Variants in CD163L1 observed in about 807,000 individuals in gnomAD.
The protein encoded by CD163L1 is CD163 molecule like 1.
Under a neutral mutation model 165.4 loss-of-function variants are expected in CD163L1, and 124 were observed. That is an observed-to-expected ratio of 0.75 (90% confidence interval 0.65 to 0.87). The LOEUF is 0.87. Ranked by LOEUF, CD163L1 falls within the 40% of genes least tolerant of loss-of-function variation. The probability of loss-of-function intolerance (pLI) is 0.00; values close to 1 mark genes in which losing one functional copy is unlikely to be tolerated. For synonymous variants in CD163L1, 585 were observed against 662.2 expected (o/e 0.88, Z 1.79); for missense variants, 1,525 against 1,799.9 (o/e 0.85, Z 2.76).
chr12:7,324,626 C>T, the CD163L1 span: 4 of 1,605,132 alleles, frequency 2.5e-6, no homozygotes, highest in African/African-American at 4.0e-5. Flanking sequence ...ATTAAAGAAG[C>T]AACATCATAT....
the CD163L1 span, among the ~76,000 whole-genome samples, chr12:7,332,828 C>T: frequency 3.3e-5 from 5 of 152,310 alleles, no homozygotes; most frequent in African/African-American, 1.2e-4. Flanking sequence ...ACTGCAAAAA[C>T]ATGCCAAATT....
At chr12:7,358,102 T>C (rs1296451760) in intron 18 of CD163L1, among the ~76,000 whole-genome samples, 1 of 152,070 alleles carries the variant, frequency 6.6e-6, no homozygotes, top group Non-Finnish European at 1.5e-5. Context: ...ACTGATGTCA[T>C]AGGGCAAACC....
At chr12:7,335,173 T>C in the CD163L1 span, among the ~76,000 whole-genome samples, 4 of 152,052 alleles carry the variant, frequency 2.6e-5, no homozygotes, top group Middle Eastern at 3.2e-3. Flanking sequence ...AAAAAGAGCC[T>C]GCATCACCAA....
intron 8 of CD163L1, among the ~76,000 whole-genome samples, chr12:7,384,710 A>G (rs1947480366): frequency 6.6e-6 from 1 of 152,128 alleles, no homozygotes; most frequent in South Asian, 2.1e-4. Context: ...CCCTTCAAAA[A>G]TGAAGGAGAT....
chr12:7,379,561 GT>G (rs1434582726), intron 8 of CD163L1, among the ~76,000 whole-genome samples: 1 of 152,144 alleles, frequency 6.6e-6, no homozygotes, highest in Admixed American at 6.6e-5. Context: ...CAAGGATATA[GT>G]TTTACTTACA....
Position 7,379,104 on chromosome 12 carries a change from T to A in CD163L1, c.2245A>T (p.Thr749Ser). 6.2e-7 allele frequency: 1 copy of A among 1,614,214 alleles called. No individual in the cohort carries two copies. The highest frequency in any genetic ancestry group is 8.5e-7 in the Non-Finnish European group (1 of 1,180,034). Residue 749 changes from threonine to serine, a missense_variant, in exon 9 of 20, where the codon ACA (threonine) becomes TCA (serine). Thr to Ser is a moderately conservative substitution (Grantham distance 58, BLOSUM62 1). Transcript: ENST00000313599. ...VSREPHFTER[T>S]LHILMSNSGC... ...GAATTCGACATTAAGATGTGTAATG[T>A]TCTTTCTGTGAAATGAGGCTCTCTG... is the stretch of plus-strand genomic sequence containing the variant.
At chr12:7,359,476 A>T (rs1309261419) in intron 18 of CD163L1, among the ~76,000 whole-genome samples, 1 of 152,162 alleles carries the variant, frequency 6.6e-6, no homozygotes, top group Admixed American at 6.5e-5. Context: ...TGAAAAAAAG[A>T]ACCATCAACT....
the CD163L1 span, chr12:7,323,232 A>G: frequency 6.2e-7 from 1 of 1,605,718 alleles, no homozygotes; most frequent in Non-Finnish European, 8.5e-7. Context: ...TCCTCTCAAT[A>G]GGGAATGATT....
chr12:7,417,240 T>G (rs1298258353), intron 4 of CD163L1, among the ~76,000 whole-genome samples: 2 of 152,146 alleles, frequency 1.3e-5, no homozygotes, highest in Non-Finnish European at 2.9e-5. Context: ...TGTACAGGAA[T>G]GCTTGTGATT....
At chr12:7,326,197 C>A in the CD163L1 span, among the ~76,000 whole-genome samples, 2 of 151,994 alleles carry the variant, frequency 1.3e-5, no homozygotes, top group African/African-American at 4.8e-5. Context: ...AGGTTTTTGG[C>A]TTTTGGCTTT....
At chr12:7,336,073 G>C in the CD163L1 span, among the ~76,000 whole-genome samples, 1 of 144,284 alleles carries the variant, frequency 6.9e-6, no homozygotes, top group East Asian at 2.0e-4. Flanking sequence ...CTGTAAACTA[G>C]TTCAACCATT....
the CD163L1 span, among the ~76,000 whole-genome samples, chr12:7,330,970 G>C: frequency 1.3e-5 from 2 of 152,236 alleles, no homozygotes; most frequent in African/African-American, 4.8e-5. Context: ...CCGTGCACGA[G>C]CTGAAGCAGG....
chr12:7,437,713 G>A (rs961093574), intron 2 of CD163L1, among the ~76,000 whole-genome samples: 1 of 145,628 alleles, frequency 6.9e-6, no homozygotes, highest in East Asian at 2.0e-4. Context: ...TTTGAAAACC[G>A]GAAAATACAG....
At chr12:7,396,452 G>A (rs1947778291) in intron 7 of CD163L1, 37 bp from the exon 8 acceptor site, 3 of 1,530,924 alleles carry the variant, frequency 2.0e-6, no homozygotes, top group Admixed American at 2.0e-5. Context: ...GTTAATGGGT[G>A]TGATGGTTTA....
At chr12:7,434,758 T>A (rs1266222523) in intron 2 of CD163L1, among the ~76,000 whole-genome samples, 1 of 151,872 alleles carries the variant, frequency 6.6e-6, no homozygotes, top group African/African-American at 2.4e-5. Flanking sequence ...GAGAGTACAA[T>A]AGAAAAGGCT....
chr12:7,354,718 G>A (rs1209178290), downstream of CD163L1, among the ~76,000 whole-genome samples: 9 of 152,046 alleles, frequency 5.9e-5, no homozygotes, highest in Admixed American at 5.9e-4. Context: ...ATCTGATGAG[G>A]GCTCCCTGCC....
the CD163L1 span, chr12:7,328,449 T>TCTTA: frequency 5.2e-5 from 59 of 1,144,924 alleles, no homozygotes; most frequent in Non-Finnish European, 6.8e-5. Context: ...ATTCAGCGAC[T>TCTTA]ACTCTCTTAA....
At chr12:7,435,378 T>C (rs1425425829) in intron 2 of CD163L1, among the ~76,000 whole-genome samples, 3 of 151,642 alleles carry the variant, frequency 2.0e-5, no homozygotes, top group East Asian at 1.9e-4. Flanking sequence ...TTTTTAAATA[T>C]ATATATTTAG....
At position 7,432,693 on chromosome 12, in the gene CD163L1, G is replaced by A. The variant is rs756864170; in HGVS notation, c.489C>T (p.Ser163=). 2.5e-6 allele frequency: 4 copies of A among 1,613,528 alleles called. No individual in the cohort carries two copies. The highest frequency in any genetic ancestry group is 2.2e-5 in the East Asian group (1 of 44,872). The part of the protein sequence containing the change: ...LGLRLVDGNN[S]CSGRVEVKFQ... ...ATTTCACCTCCACTCTCCCTGAACA[G>A]GAGTTGTTTCCATCCACTAGCCTCA... Residue 163 remains serine (S), a synonymous_variant, in exon 4 of 20, where the codon TCC becomes TCT. Coordinates refer to ENST00000313599, the MANE Select transcript of CD163L1 (RefSeq NM_174941.6). This position sits in a 1 kb window ranked among gnomAD's most constrained non-coding sequence, Gnocchi z 4.2.
Sources: allele counts gnomAD v4.1 joint callset (sites outside exome capture counted in the v4.1 genomes callset), GRCh38; gene constraint gnomAD v4.1.1; non-coding constraint Gnocchi (gnomAD v3.1); transcripts MANE v1.5; gene names NCBI Gene and HGNC (gene_info 2026-07-23, HGNC 2026-07-21).